ATM: variants seen among roughly 807,000 people sequenced by gnomAD.
The protein encoded by ATM is ATM serine/threonine kinase, also known as serine-protein kinase ATM.
ATM carries 308 observed loss-of-function variants against 387.0 expected under a neutral mutation model. The observed-to-expected ratio is 0.80, with a 90% confidence interval of 0.73 to 0.87. The LOEUF is 0.87. ATM is among the 40% of genes least tolerant of loss of function. The pLI, the probability that ATM is intolerant of heterozygous loss-of-function variation, is 0.00. For missense variants in ATM, 3,312 were observed against 3,560.9 expected (o/e 0.93, Z 1.78); for synonymous variants, 1,156 against 1,187.3 (o/e 0.97, Z 0.54).
At chr11:108,364,858 AC>A (rs2091166205) in intron 61 of ATM, among the ~76,000 whole-genome samples, 3 of 152,176 alleles carry the variant, frequency 2.0e-5, no homozygotes, top group African/African-American at 7.2e-5. Flanking sequence ...AAGGGATGTC[AC>A]CCCTAACCAT....
At chr11:108,361,782 G>T (rs80198182) in intron 61 of ATM, among the ~76,000 whole-genome samples, 160 of 151,866 alleles carry the variant, frequency 1.1e-3, no homozygotes, top group East Asian at 1.5e-3. Flanking sequence ...CCTTACACCT[G>T]ATACAAAAAT....
chr11:108,360,219 A>T (rs1339293282), intron 61 of ATM, among the ~76,000 whole-genome samples: 3 of 150,642 alleles, frequency 2.0e-5, no homozygotes, highest in Admixed American at 1.3e-4. Context: ...ATTCCTCGAC[A>T]CATACACTCT....
chr11:108,238,888 G>A (rs1158312871), intron 5 of ATM, among the ~76,000 whole-genome samples: 2 of 152,102 alleles, frequency 1.3e-5, no homozygotes, highest in East Asian at 1.9e-4. Context: ...CATTCATATT[G>A]TTGTGTAATC....
At chr11:108,235,617 G>GTCT (rs1337660256) in intron 4 of ATM, 53 bp from the exon 5 acceptor site, 1 of 1,445,018 alleles carries the variant, frequency 6.9e-7, no homozygotes, top group Non-Finnish European at 9.6e-7. Context: ...CATTCCAAGT[G>GTCT]TCTTATTTTT....
intron 23 of ATM, among the ~76,000 whole-genome samples, chr11:108,279,867 C>A (rs905976909): frequency 6.6e-6 from 1 of 152,070 alleles, no homozygotes; most frequent in African/African-American, 2.4e-5. Flanking sequence ...GTATAAATGG[C>A]TCCCTTTTTT....
chr11:108,316,146 A>G (rs2084631059), intron 42 of ATM, 33 bp downstream of exon 42: 1 of 1,571,444 alleles, frequency 6.4e-7, no homozygotes, highest in African/African-American at 1.4e-5. Context: ...TAAAGCCATC[A>G]CTAGTGTAGT....
rs1453849799 is a variant in ATM, at chr11:108,282,741, A to G, written c.3608A>G (p.Tyr1203Cys). ...GAGAAAGTTTCTGAAACTTTTGGAT[A>G]TAGACGTTTAGAAGACTTTATGGCA... ...VLEKVSETFG[Y>C]RRLEDFMASH... The change falls in exon 25 of 63, where the codon TAT becomes TGT. Residue 1203 changes from tyrosine (Y) to cysteine (C), a missense_variant. By Grantham distance (194) the Tyr-to-Cys change is radical. Transcript: ENST00000675843. The G allele has an allele frequency of 2.5e-6, 4 of 1,613,402 alleles. No individual in the cohort carries two copies. The highest frequency in any genetic ancestry group is 1.1e-5 in the South Asian group (1 of 90,990).
chr11:108,341,311 C>T (rs2087541506), intron 56 of ATM, among the ~76,000 whole-genome samples: 1 of 152,120 alleles, frequency 6.6e-6, no homozygotes, highest in Non-Finnish European at 1.5e-5. Context: ...GTGTTACCCT[C>T]AGAAAGGCCT....
chr11:108,350,372 A>T (rs419716), intron 59 of ATM, among the ~76,000 whole-genome samples: 4 of 151,850 alleles, frequency 2.6e-5, no homozygotes, highest in Admixed American at 6.6e-5. Context: ...TAGAAATCTC[A>T]GTCAAATTTG....
intron 32 of ATM, among the ~76,000 whole-genome samples, chr11:108,296,211 T>G (rs2135850761): frequency 7.2e-6 from 1 of 138,312 alleles, no homozygotes; most frequent in South Asian, 2.6e-4. Flanking sequence ...ACTTTCTACT[T>G]TGTGTTTTGA....
At chr11:108,319,685 C>G (rs1289427933) in intron 43 of ATM, among the ~76,000 whole-genome samples, 1 of 152,162 alleles carries the variant, frequency 6.6e-6, no homozygotes. Flanking sequence ...TGCCTAGTGC[C>G]TGGCACATAA....
At position 108,257,448 on chromosome 11, in the gene ATM, T is replaced by A. The variant is rs1335598894; in HGVS notation, c.2251-33T>A. On this transcript the variant is annotated intron_variant, in intron 14 of 62. Coordinates refer to ENST00000675843, the MANE Select transcript of ATM (RefSeq NM_000051.4). ...AGCAATACTAAACTATAATTTTAACTGGAATTTGCATTTTTCCTTCTATTC... is the reference window on the plus strand; with the variant it reads ...AGCAATACTAAACTATAATTTTAACAGGAATTTGCATTTTTCCTTCTATTC... The A allele has an allele frequency of 2.5e-6, 4 of 1,608,026 alleles. No individual in the cohort carries two copies.
At chr11:108,314,467 T>TA (rs2084441099) in intron 40 of ATM, among the ~76,000 whole-genome samples, 2 of 147,514 alleles carry the variant, frequency 1.4e-5, no homozygotes, top group Admixed American at 6.8e-5. Context: ...TTTTTTTTTT[T>TA]ATGTGATATA....
rs764662712 is a variant in ATM, at chr11:108,289,805, A to G, written c.4436+4A>G. On this transcript the variant is annotated splice_donor_region_variant and intron_variant, in intron 29 of 62. Coordinates refer to ENST00000675843, the MANE Select transcript of ATM (RefSeq NM_000051.4). Reference sequence around the variant, plus strand: ...TGATTCACTATATCAACCAAAGGTAAATAACATATTTAGACCAATATATAA... The same window carrying G: ...TGATTCACTATATCAACCAAAGGTAGATAACATATTTAGACCAATATATAA... 2 of 1,610,900 alleles carry G rather than the reference A, an allele frequency of 1.2e-6. No homozygotes were observed. Among genetic ancestry groups the G allele is most frequent in the South Asian group, 1.1e-5 (1 of 90,822 alleles).
intron 38 of ATM, among the ~76,000 whole-genome samples, 188 bp from the exon 39 acceptor site, chr11:108,309,972 T>G (rs536283561): frequency 1.2e-3 from 175 of 152,170 alleles, no homozygotes; most frequent in Non-Finnish European, 2.3e-3. Context: ...CCAAAAAGAT[T>G]AATTAAATAG....
chr11:108,310,752 GC>G (rs1484861620), intron 39 of ATM, among the ~76,000 whole-genome samples: 1 of 151,834 alleles, frequency 6.6e-6, no homozygotes, highest in African/African-American at 2.4e-5. Flanking sequence ...ATCCAAAATG[GC>G]TATAATGTGA....
rs368267962 is a variant in ATM, at chr11:108,239,525, A to G, written c.496+3691A>G. ...CTATTCTGTTCTGTGTATATGCCAC[A>G]TTTTGTTAATTCATTCGTCCATTGG... On this transcript the variant is annotated intron_variant, in intron 5 of 62. Transcript: ENST00000675843. Among the ~76,000 whole-genome samples the G allele has an allele frequency of 1.1e-3, 161 of 152,298 alleles. 1 individual carries two copies. In the South Asian group the frequency reaches 0.033, roughly 31 times the overall value.
intron 27 of ATM, among the ~76,000 whole-genome samples, chr11:108,288,670 C>T (rs2082623936): frequency 6.6e-6 from 1 of 152,050 alleles, no homozygotes; most frequent in South Asian, 2.1e-4. Flanking sequence ...TGATTCTGAT[C>T]TGAAGTAATA....
intron 14 of ATM, among the ~76,000 whole-genome samples, chr11:108,257,270 C>T (rs1303317977): frequency 6.6e-6 from 1 of 152,186 alleles, no homozygotes; most frequent in Non-Finnish European, 1.5e-5. Context: ...TTTGCAAGAA[C>T]AGAGTATAAG....
Sources: allele counts gnomAD v4.1 joint callset (sites outside exome capture counted in the v4.1 genomes callset), GRCh38; gene constraint gnomAD v4.1.1; transcripts MANE v1.5; gene names NCBI Gene and HGNC (gene_info 2026-07-23, HGNC 2026-07-21).